Variants in TRPM3 observed in about 807,000 individuals in gnomAD.
TRPM3 encodes transient receptor potential cation channel subfamily M member 3, also known as long transient receptor potential channel 3.
In TRPM3, 77 loss-of-function variants were observed where a neutral mutation model predicts 181.2. The ratio of observed to expected loss-of-function variants is 0.42; its 90% CI spans 0.35 to 0.51. The LOEUF is 0.51. Among genes scored for constraint, TRPM3 ranks in the 20% least tolerant of loss-of-function variants. The pLI is 0.01. For missense variants in TRPM3, 1,759 were observed against 2,196.7 expected (o/e 0.80, Z 3.98); for synonymous variants, 745 against 796.4 (o/e 0.94, Z 1.09).
At chr9:70,814,545 G>A (rs1046471073) in intron 6 of TRPM3, among the ~76,000 whole-genome samples, 7 of 152,172 alleles carry the variant, frequency 4.6e-5, no homozygotes, top group Non-Finnish European at 1.0e-4. Flanking sequence ...ATTATAAAAT[G>A]TAAGCATCAA....
At chr9:70,738,969 G>A (rs2073390629) in intron 8 of TRPM3, among the ~76,000 whole-genome samples, 1 of 151,622 alleles carries the variant, frequency 6.6e-6, no homozygotes, top group South Asian at 2.1e-4. Flanking sequence ...CAAGCAGCAA[G>A]ATTGAAATGG....
In TRPM3 at chr9:70,997,129, A is replaced by G. The variant is rs138023691; in HGVS notation, c.177+124049T>C. ...GATAAAACTGATTTATAACTTCAGA[A>G]ATGCACTTCATTTTTTTAAATCTCT... On this transcript the variant is annotated intron_variant, in intron 1 of 25. Transcript: ENST00000677713. Among the ~76,000 whole-genome samples, 7 of 152,316 alleles carry G rather than the reference A, an allele frequency of 4.6e-5. No homozygotes were observed. In the East Asian group the frequency reaches 1.4e-3, roughly 29 times the overall value.
chr9:70,671,499 C>T (rs2062917144), intron 9 of TRPM3, among the ~76,000 whole-genome samples: 1 of 151,758 alleles, frequency 6.6e-6, no homozygotes, highest in Non-Finnish European at 1.5e-5. Flanking sequence ...TAATGAAGTA[C>T]AAAACCATTA....
intron 9 of TRPM3, among the ~76,000 whole-genome samples, chr9:70,679,608 T>A (rs2064916134): frequency 6.6e-6 from 1 of 152,200 alleles, no homozygotes; most frequent in Non-Finnish European, 1.5e-5. Flanking sequence ...GGGGTCAGAC[T>A]GTCTCTACCA....
chr9:70,873,782 T>G (rs1564659561), intron 1 of TRPM3, among the ~76,000 whole-genome samples: 2 of 152,006 alleles, frequency 1.3e-5, no homozygotes, highest in African/African-American at 4.8e-5. Context: ...TTCCAACATG[T>G]ATAATCATCT....
chr9:71,294,202 A>G (rs192640925), intron 1 of TRPM3, among the ~76,000 whole-genome samples: 442 of 152,128 alleles, frequency 2.9e-3, no homozygotes, highest in Middle Eastern at 0.014. Context: ...ATGATAATCC[A>G]AAAACAGAGA....
intron 1 of TRPM3, among the ~76,000 whole-genome samples, chr9:71,207,933 AG>A (rs1388926967): frequency 6.6e-6 from 1 of 151,966 alleles, no homozygotes; most frequent in African/African-American, 2.4e-5. Flanking sequence ...CTTTGATGAG[AG>A]TGGTTTCCTT....
rs1459487881 is a variant in TRPM3, at chr9:71,180,949, A to C, written c.183+265704T>G. The stretch of plus-strand genomic sequence containing the variant: ...TGTTTGGCCTTTTAGTCGTAGGAGA[A>C]GTACGTTGCTAGGATAAAAGCAAAT... On this transcript the variant is annotated intron_variant, in intron 1 of 24. Coordinates refer to the TRPM3 transcript ENST00000357533. Among the ~76,000 whole-genome samples, 4 of 152,124 alleles carry C rather than the reference A, an allele frequency of 2.6e-5. No homozygotes were observed. The East Asian group carries it at 7.7e-4, about 29-fold the overall frequency.
At chr9:70,899,628 C>T (rs2096353213) in intron 1 of TRPM3, among the ~76,000 whole-genome samples, 1 of 152,050 alleles carries the variant, frequency 6.6e-6, no homozygotes, top group South Asian at 2.1e-4. Flanking sequence ...TGAAACTATT[C>T]CTAACCTACG....
At chr9:70,662,892 A>G (rs2061326835) in intron 9 of TRPM3, among the ~76,000 whole-genome samples, 2 of 152,312 alleles carry the variant, frequency 1.3e-5, no homozygotes, top group South Asian at 2.1e-4. Context: ...GCTACTGGGT[A>G]TCTAGGAAAG....
intron 7 of TRPM3, chr9:70,783,744 T>C (rs1477801652): frequency 1.5e-6 from 1 of 662,730 alleles, no homozygotes; most frequent in Admixed American, 6.0e-5. Flanking sequence ...ACCTGAACCA[T>C]CTGGTACAGA....
chr9:70,602,106 C>CTTTTTTTTT lies in TRPM3; in HGVS notation c.2796+1227_2796+1235dup, dbSNP rs6151027. ...CCAGCTGGAACAAGGCAAGGCATTC[C>CTTTTTTTTT]TTTTTTTTTTTTTTTTTTAAATCCA... On this transcript the variant is annotated intron_variant, in intron 20 of 25. Coordinates refer to ENST00000677713, the MANE Select transcript of TRPM3 (RefSeq NM_001366145.2). Among the ~76,000 whole-genome samples, 181 of 128,160 alleles carry CTTTTTTTTT rather than the reference C, an allele frequency of 1.4e-3. 4 individuals carry two copies. Among genetic ancestry groups the CTTTTTTTTT allele is most frequent in the Non-Finnish European group, 1.7e-3 (108 of 62,430 alleles). 84.1% of individuals were successfully genotyped at this position (128,160 alleles called of 152,430 possible). A position where few individuals can be genotyped will look rare whatever the true frequency, so the allele number is the denominator to read the frequency against.
At position 70,620,069 on chromosome 9, in the gene TRPM3, G is replaced by A; in HGVS notation, c.2129+7C>T. On this transcript the variant is annotated splice_region_variant and intron_variant, in intron 16 of 25. Coordinates refer to ENST00000677713, the MANE Select transcript of TRPM3 (RefSeq NM_001366145.2). Reference sequence around the variant, plus strand: ...CCTGACCAGCCCATTTTGCTGGGCGGACCCACCTGGAATTGTGATTCAGCT... The same window carrying A: ...CCTGACCAGCCCATTTTGCTGGGCGAACCCACCTGGAATTGTGATTCAGCT... 6.3e-7 allele frequency: 1 copy of A among 1,598,370 alleles called. No homozygotes were observed. The highest frequency in any genetic ancestry group is 1.7e-4 in the Middle Eastern group (1 of 6,010).
At chr9:71,076,513 G>T (rs2063482833) in intron 1 of TRPM3, among the ~76,000 whole-genome samples, 1 of 152,182 alleles carries the variant, frequency 6.6e-6, no homozygotes. Flanking sequence ...AGTCACTGAA[G>T]ATCAGTGTTC....
At chr9:71,425,235 C>G (rs1034711625) in intron 1 of TRPM3, among the ~76,000 whole-genome samples, 1 of 152,018 alleles carries the variant, frequency 6.6e-6, no homozygotes, top group African/African-American at 2.4e-5. Context: ...TTAATATCAC[C>G]CATAAACTGA....
At chr9:71,218,594 T>A (rs2080045294) in intron 1 of TRPM3, among the ~76,000 whole-genome samples, 1 of 152,208 alleles carries the variant, frequency 6.6e-6, no homozygotes, top group Non-Finnish European at 1.5e-5. Context: ...GGCTATCTGA[T>A]ATGACCATTC....
chr9:70,875,339 A>T (rs1182295591), intron 1 of TRPM3, among the ~76,000 whole-genome samples: 2 of 151,946 alleles, frequency 1.3e-5, no homozygotes, highest in Non-Finnish European at 2.9e-5. Context: ...TGAAAATAAG[A>T]GATCTTTTTA....
At chr9:71,213,953 T>C (rs1041147877) in intron 1 of TRPM3, among the ~76,000 whole-genome samples, 1 of 152,222 alleles carries the variant, frequency 6.6e-6, no homozygotes, top group African/African-American at 2.4e-5. Flanking sequence ...AAAATTTAAG[T>C]CTAAAATCTT....
intron 1 of TRPM3, among the ~76,000 whole-genome samples, chr9:71,195,305 C>G (rs1024001745): frequency 2.0e-5 from 3 of 151,810 alleles, no homozygotes; most frequent in Non-Finnish European, 4.4e-5. Context: ...CTTAAATTTA[C>G]AAGAAAAAAA....
Sources: allele counts gnomAD v4.1 joint callset (sites outside exome capture counted in the v4.1 genomes callset), GRCh38; gene constraint gnomAD v4.1.1; transcripts MANE v1.5; gene names NCBI Gene and HGNC (gene_info 2026-07-23, HGNC 2026-07-21).